The following BMPR1B variants were observed in gnomAD, a reference collection of about 807,000 sequenced individuals.
BMPR1B encodes the protein bone morphogenetic protein receptor type-1B.
A neutral mutation model predicts 59.1 loss-of-function variants in BMPR1B; 12 were observed. That is an observed-to-expected ratio of 0.20 (90% CI 0.13 to 0.33). The LOEUF is 0.33. Ranked by LOEUF, BMPR1B falls within the 10% of genes least tolerant of loss-of-function variation. BMPR1B has a pLI of 1.00. For missense variants in BMPR1B, 550 were observed against 610.9 expected, an observed-to-expected ratio of 0.90 and a Z score of 1.05; for synonymous variants, 237 against 207.3, an observed-to-expected ratio of 1.14 and a Z score of -1.23.
intron 1 of BMPR1B, among the ~76,000 whole-genome samples, chr4:94,779,490 T>A (rs921633996): frequency 1.3e-5 from 2 of 152,214 alleles, no homozygotes; most frequent in African/African-American, 4.8e-5. Flanking sequence ...AACATCACTA[T>A]TAAGAATGAT....
chr4:94,760,156 T>A (rs1366420281), intron 1 of BMPR1B, among the ~76,000 whole-genome samples: 1 of 152,208 alleles, frequency 6.6e-6, no homozygotes, highest in Non-Finnish European at 1.5e-5. Flanking sequence ...AGTTAAAATC[T>A]TGATTTATGT....
chr4:94,762,211 A>T (rs1721800929), intron 1 of BMPR1B, among the ~76,000 whole-genome samples: 1 of 151,646 alleles, frequency 6.6e-6, no homozygotes, highest in Non-Finnish European at 1.5e-5. Flanking sequence ...TGGCACTGTT[A>T]TACACTGTGG....
chr4:94,835,061 T>C (rs915389432), intron 1 of BMPR1B, among the ~76,000 whole-genome samples: 5 of 151,924 alleles, frequency 3.3e-5, no homozygotes, highest in African/African-American at 1.2e-4. Context: ...TAGGAAGAAA[T>C]GCAGATTTTA....
At chr4:95,038,947 A>AG (rs1725453507) in intron 3 of BMPR1B, among the ~76,000 whole-genome samples, 1 of 152,212 alleles carries the variant, frequency 6.6e-6, no homozygotes, top group Non-Finnish European at 1.5e-5. Flanking sequence ...CATAAACCTT[A>AG]GGATAACTCA....
intron 1 of BMPR1B, among the ~76,000 whole-genome samples, chr4:94,798,730 G>A (rs1450934907): frequency 6.6e-6 from 1 of 152,136 alleles, no homozygotes; most frequent in African/African-American, 2.4e-5. Flanking sequence ...CTGATAAACT[G>A]AGGTGTTGAC....
At chr4:95,071,955 A>G (rs562015794) in intron 3 of BMPR1B, among the ~76,000 whole-genome samples, 2 of 152,046 alleles carry the variant, frequency 1.3e-5, no homozygotes, top group African/African-American at 2.4e-5. Context: ...GTGTAAAGAG[A>G]TTTATTATAA....
intron 3 of BMPR1B, among the ~76,000 whole-genome samples, chr4:94,996,590 A>G (rs1184612558): frequency 6.6e-6 from 1 of 152,158 alleles, no homozygotes; most frequent in Non-Finnish European, 1.5e-5. Context: ...AATTGGGGTA[A>G]CATGGGGTCT....
intron 1 of BMPR1B, among the ~76,000 whole-genome samples, chr4:94,855,367 T>C (rs1318491407): frequency 1.3e-5 from 2 of 152,186 alleles, no homozygotes; most frequent in Non-Finnish European, 2.9e-5. Context: ...ACACAGCTAT[T>C]AAATAGTAGA....
At chr4:94,918,019 T>C (rs1425133502) in intron 2 of BMPR1B, among the ~76,000 whole-genome samples, 1 of 152,120 alleles carries the variant, frequency 6.6e-6, no homozygotes, top group Non-Finnish European at 1.5e-5. Flanking sequence ...TGCCTGCTCC[T>C]GCTTCACCTT....
chr4:95,006,881 C>G (rs1306129892), intron 3 of BMPR1B, among the ~76,000 whole-genome samples: 2 of 151,240 alleles, frequency 1.3e-5, no homozygotes, highest in Non-Finnish European at 3.0e-5. Context: ...ATATATGACT[C>G]TCTTTTAAAA....
At chr4:95,091,890 A>G (rs1391675442) in intron 3 of BMPR1B, among the ~76,000 whole-genome samples, 1 of 152,020 alleles carries the variant, frequency 6.6e-6, no homozygotes, top group East Asian at 1.9e-4. Flanking sequence ...ATGTTCTTAT[A>G]TGTATTATTT....
chr4:94,989,877 A>T (rs930674429), intron 2 of BMPR1B, among the ~76,000 whole-genome samples: 15 of 152,220 alleles, frequency 9.9e-5, no homozygotes. Flanking sequence ...AAAAGTCAAA[A>T]GTAAATAGCC....
chr4:94,955,274 CTG>C, intron 2 of BMPR1B, among the ~76,000 whole-genome samples: 1 of 152,302 alleles, frequency 6.6e-6, no homozygotes, highest in South Asian at 2.1e-4. Context: ...ACAGCAGAAA[CTG>C]TGTTTCATGA....
intron 2 of BMPR1B, among the ~76,000 whole-genome samples, chr4:94,920,299 T>G (rs185525390): frequency 1.4e-3 from 206 of 152,318 alleles, no homozygotes; most frequent in South Asian, 8.3e-4. Flanking sequence ...TTGCCTAGAA[T>G]TTTTATTCTT....
At position 95,148,765 on chromosome 4, in the gene BMPR1B, A is replaced by C; in HGVS notation, c.1094A>C (p.Asp365Ala). The C allele has an allele frequency of 6.2e-7, 1 of 1,613,972 alleles. No individual in the cohort carries two copies. Among genetic ancestry groups the C allele is most frequent in the South Asian group, 1.1e-5 (1 of 91,076 alleles). The stretch of plus-strand genomic sequence containing the variant: ...TTCCTTAGTGATACAAATGAAGTTG[A>C]CATACCACCTAACACTCGAGTTGGC... ...VKFISDTNEV[D>A]IPPNTRVGTK... Residue 365 changes from aspartate (D) to alanine (A), a missense_variant, in exon 11 of 13, where the codon GAC becomes GCC. Transcript: ENST00000515059.
intron 2 of BMPR1B, among the ~76,000 whole-genome samples, chr4:94,888,053 C>G (rs1727250877): frequency 1.3e-5 from 2 of 151,914 alleles, no homozygotes; most frequent in African/African-American, 2.4e-5. Flanking sequence ...AACCAATATT[C>G]AATACAAGGA....
intron 2 of BMPR1B, among the ~76,000 whole-genome samples, chr4:94,951,608 C>T (rs563229722): frequency 5.3e-5 from 8 of 152,124 alleles, no homozygotes; most frequent in South Asian, 2.1e-4. Context: ...GGGATGAAGC[C>T]GACTTGATCG....
chr4:94,888,789 C>A (rs914779433), intron 2 of BMPR1B, among the ~76,000 whole-genome samples: 6 of 151,964 alleles, frequency 3.9e-5, no homozygotes, highest in Admixed American at 1.3e-4. Flanking sequence ...TGATTATTTA[C>A]ATGGTAGGAA....
chr4:95,076,057 A>G (rs940497744), intron 3 of BMPR1B, among the ~76,000 whole-genome samples: 5 of 152,170 alleles, frequency 3.3e-5, no homozygotes, highest in Non-Finnish European at 7.4e-5. Context: ...GACATTCAAA[A>G]ATAGTTTCTA....
Sources: allele counts gnomAD v4.1 joint callset (sites outside exome capture counted in the v4.1 genomes callset), GRCh38; gene constraint gnomAD v4.1.1; transcripts MANE v1.5; gene names NCBI Gene and HGNC (gene_info 2026-07-23, HGNC 2026-07-21).